GMDS: variants seen among roughly 807,000 people sequenced by gnomAD.
GMDS encodes GDP-mannose 4,6-dehydratase.
GMDS carries 20 observed loss-of-function variants against 49.9 expected under a neutral mutation model. The ratio of observed to expected loss-of-function variants is 0.40; its 90% confidence interval spans 0.28 to 0.58. GMDS has a LOEUF of 0.58. Ranked by LOEUF, GMDS falls within the 20% of genes least tolerant of loss-of-function variation. The pLI, the probability that GMDS is intolerant of heterozygous loss-of-function variation, is 0.42. For synonymous variants in GMDS, 177 were observed against 178.6 expected, an observed-to-expected ratio of 0.99 and a Z score of 0.07; for missense variants, 362 against 481.4, an observed-to-expected ratio of 0.75 and a Z score of 2.32.
chr6:2,160,804 G>A (rs545910058), intron 1 of GMDS, among the ~76,000 whole-genome samples: 2 of 151,434 alleles, frequency 1.3e-5, no homozygotes, highest in Non-Finnish European at 3.0e-5. Context: ...CTGGATTACA[G>A]GCATGAGCCA....
intron 4 of GMDS, among the ~76,000 whole-genome samples, chr6:2,079,019 C>CTTTGTTTT (rs1772510091): frequency 2.9e-5 from 1 of 33,992 alleles, no homozygotes; most frequent in Non-Finnish European, 7.0e-5. Context: ...ATGACCTTGT[C>CTTTGTTTT]TTTTTTTTTT....
At chr6:2,050,243 C>G (rs928321667) in intron 4 of GMDS, among the ~76,000 whole-genome samples, 11 of 152,098 alleles carry the variant, frequency 7.2e-5, no homozygotes, top group African/African-American at 2.7e-4. Context: ...AGAATACTAT[C>G]AACACCTCTA....
chr6:2,210,637 T>C (rs935333326), intron 1 of GMDS, among the ~76,000 whole-genome samples: 1 of 152,176 alleles, frequency 6.6e-6, no homozygotes. Context: ...AAAGGTCTGC[T>C]TACTCCCAAG....
intron 7 of GMDS, among the ~76,000 whole-genome samples, chr6:1,924,583 C>T (rs746488505): frequency 6.6e-6 from 1 of 152,214 alleles, no homozygotes; most frequent in Non-Finnish European, 1.5e-5. Context: ...TTGTGTTTCA[C>T]ATATTTATAT....
chr6:1,767,049 C>A (rs1768385149), intron 7 of GMDS, among the ~76,000 whole-genome samples: 1 of 152,184 alleles, frequency 6.6e-6, no homozygotes, highest in African/African-American at 2.4e-5. Context: ...AATGAACAAA[C>A]TATAAAATGT....
chr6:1,940,577 C>G (rs1309863433), intron 6 of GMDS, among the ~76,000 whole-genome samples: 1 of 152,190 alleles, frequency 6.6e-6, no homozygotes, highest in Admixed American at 6.5e-5. Context: ...CATTTGCTCA[C>G]TAAGTCCTGC....
At chr6:2,067,454 C>T (rs1262673954) in intron 4 of GMDS, among the ~76,000 whole-genome samples, 112 of 148,854 alleles carry the variant, frequency 7.5e-4, no homozygotes, top group Admixed American at 1.1e-3. Flanking sequence ...AAAAACCCTT[C>T]AAAAAATTAA....
chr6:1,941,928 C>T (rs549688080), intron 6 of GMDS, among the ~76,000 whole-genome samples: 8 of 152,268 alleles, frequency 5.3e-5, no homozygotes, highest in Non-Finnish European at 7.4e-5. Context: ...CCTGACTACA[C>T]GACTCAACCC....
intron 9 of GMDS, among the ~76,000 whole-genome samples, chr6:1,695,712 G>A (rs1012416669): frequency 1.3e-5 from 2 of 152,118 alleles, no homozygotes; most frequent in African/African-American, 4.8e-5. Flanking sequence ...CCTGTGTGCA[G>A]GGACCCTGCC....
chr6:1,686,123 C>T (rs1212985651), intron 9 of GMDS, among the ~76,000 whole-genome samples: 1 of 152,186 alleles, frequency 6.6e-6, no homozygotes, highest in Non-Finnish European at 1.5e-5. Context: ...GCCCTCATTA[C>T]AGACCCTTTG....
chr6:2,161,012 T>A (rs768052804), intron 1 of GMDS, among the ~76,000 whole-genome samples: 21 of 152,240 alleles, frequency 1.4e-4, no homozygotes, highest in Non-Finnish European at 2.9e-5. Flanking sequence ...AAGGATTATA[T>A]GTTAACTTTT....
In GMDS at chr6:1,645,226, G is replaced by A. The variant is rs1449855380; in HGVS notation, c.988-20686C>T. 3.9e-5 allele frequency among the ~76,000 whole-genome samples: 6 copies of A among 152,200 alleles called. No homozygotes were observed. In the South Asian group the frequency reaches 8.3e-4, roughly 21 times the overall value. ...TGGGATTACAGGCATGAGCCACCGC[G>A]CCCAGCCTGCTTGATTCTTATACCC... On this transcript the variant is annotated intron_variant, in intron 9 of 10. Coordinates refer to ENST00000380815, the MANE Select transcript of GMDS (RefSeq NM_001500.4).
At chr6:1,691,437 T>C (rs1457103591) in intron 9 of GMDS, among the ~76,000 whole-genome samples, 3 of 152,064 alleles carry the variant, frequency 2.0e-5, no homozygotes, top group Non-Finnish European at 4.4e-5. Flanking sequence ...GGTTGACAGG[T>C]GCAGCAAACC....
At chr6:2,010,798 C>T (rs550327040) in intron 4 of GMDS, among the ~76,000 whole-genome samples, 141 of 152,026 alleles carry the variant, frequency 9.3e-4, no homozygotes, top group African/African-American at 3.2e-3. Flanking sequence ...AAATATATTG[C>T]AGGGTTAAAA....
chr6:1,689,421 C>T (rs1765094281), intron 9 of GMDS, among the ~76,000 whole-genome samples: 1 of 152,216 alleles, frequency 6.6e-6, no homozygotes, highest in Non-Finnish European at 1.5e-5. Context: ...GTAATGTCAT[C>T]TAGCAATGTA....
intron 7 of GMDS, among the ~76,000 whole-genome samples, chr6:1,788,053 A>G (rs911748710): frequency 2.0e-5 from 3 of 152,190 alleles, no homozygotes; most frequent in Admixed American, 1.3e-4. Flanking sequence ...TCAGTCGCCC[A>G]GATGTCAAAT....
chr6:1,825,703 A>C (rs1031748157), intron 7 of GMDS, among the ~76,000 whole-genome samples: 1 of 152,316 alleles, frequency 6.6e-6, no homozygotes, highest in Non-Finnish European at 1.5e-5. Context: ...TGTGCAGTAA[A>C]ATATAGCATA....
At chr6:1,788,023 C>T (rs866961941) in intron 7 of GMDS, among the ~76,000 whole-genome samples, 30 of 152,068 alleles carry the variant, frequency 2.0e-4, no homozygotes, top group African/African-American at 7.0e-4. Flanking sequence ...GCAGCCTTGG[C>T]AGGTTGCTCA....
intron 4 of GMDS, among the ~76,000 whole-genome samples, chr6:2,049,687 G>C (rs190394755): frequency 1.3e-5 from 2 of 152,296 alleles, no homozygotes; most frequent in East Asian, 3.9e-4. Context: ...CAGAGTCAGG[G>C]AAGATGCTGT....
Sources: allele counts gnomAD v4.1 joint callset (sites outside exome capture counted in the v4.1 genomes callset), GRCh38; gene constraint gnomAD v4.1.1; transcripts MANE v1.5; gene names NCBI Gene and HGNC (gene_info 2026-07-23, HGNC 2026-07-21).